The following APOL2 variants were observed in gnomAD, a reference collection of about 807,000 sequenced individuals.
The protein encoded by APOL2 is apolipoprotein L2.
A neutral mutation model predicts 7.1 loss-of-function variants in APOL2; 8 were observed. The observed-to-expected ratio is 1.12, with a 90% CI of 0.66 to 2.03. APOL2 has a LOEUF of 2.03. APOL2 is among the 30% of genes most tolerant of loss of function. The probability of loss-of-function intolerance (pLI) is 0.00; values close to 1 mark genes in which losing one functional copy is unlikely to be tolerated. For missense variants in APOL2, 471 were observed against 415.1 expected (o/e 1.13, Z -1.17); for synonymous variants, 177 against 159.9 (o/e 1.11, Z -0.81).
In APOL2 at chr22:36,236,623, A is replaced by G. The variant is rs1005713872; in HGVS notation, c.-134+2818T>C. On this transcript the variant is annotated intron_variant, in intron 1 of 4. Coordinates refer to ENST00000358502, the MANE Select transcript of APOL2 (RefSeq NM_030882.4). Reference sequence around the variant, plus strand: ...TGTGTCTCTGCGCACTCCCCGGCACACCCACTTCCAGCAGCTGGTCTTTGT... The same window carrying G: ...TGTGTCTCTGCGCACTCCCCGGCACGCCCACTTCCAGCAGCTGGTCTTTGT... 38 of 985,330 alleles carry G rather than the reference A, an allele frequency of 3.9e-5. No homozygotes were observed. The Admixed American group carries it at 2.0e-3, about 51-fold the overall frequency. 61.0% of individuals were successfully genotyped at this position (985,330 alleles called of 1,614,324 possible). A position where few individuals can be genotyped will look rare whatever the true frequency, so the allele number is the denominator to read the frequency against.
Position 36,239,504 on chromosome 22 carries a change from C to G in APOL2, c.-197G>C, listed in dbSNP as rs767197230. 2 of 1,586,006 alleles carry G rather than the reference C, an allele frequency of 1.3e-6. No homozygotes were observed. The highest frequency in any genetic ancestry group is 1.7e-6 in the Non-Finnish European group (2 of 1,172,854). On this transcript the variant is annotated 5_prime_UTR_variant, in exon 1 of 5. Transcript: ENST00000358502. ...ACTGTTCTGAGCTGTGTGGATCCCACGTCCAGCTGTGCATCTGTGTAATAA... is the reference window on the plus strand; with the variant it reads ...ACTGTTCTGAGCTGTGTGGATCCCAGGTCCAGCTGTGCATCTGTGTAATAA...
At chr22:36,234,977 A>T (rs1328318708) in intron 1 of APOL2, among the ~76,000 whole-genome samples, 1 of 152,208 alleles carries the variant, frequency 6.6e-6, no homozygotes, top group African/African-American at 2.4e-5. Context: ...AAATGAGGGC[A>T]ACAGGAGATC....
At chr22:36,231,311 C>A (rs754520884) in intron 4 of APOL2, 29 bp downstream of exon 4, 5 of 1,609,548 alleles carry the variant, frequency 3.1e-6, no homozygotes, top group Non-Finnish European at 4.3e-6. Flanking sequence ...CGCTGGGGCG[C>A]CCCATGGAGT....
rs1314798063 is a variant in APOL2 at position 36,228,279 on chromosome 22, C to T, written c.139G>A (p.Asp47Asn). ...GFVAAAELPRDEADELRKALN... is the reference protein window; with the variant it reads ...GFVAAAELPRNEADELRKALN... ...GCTTTACGGAGCTCATCTGCCTCAT[C>T]CCTGCACAAGGAAAGGTTAAAGGAT... Residue 47 changes from aspartate (D) to asparagine (N), a missense_variant and splice_region_variant, in exon 5 of 5, where the codon GAT (aspartate) becomes AAT (asparagine). Transcript: ENST00000358502. 1 of 1,611,152 alleles carries T rather than the reference C, an allele frequency of 6.2e-7. No homozygotes were observed.
chr22:36,236,956 C>G, intron 1 of APOL2: 1 of 1,353,902 alleles, frequency 7.4e-7, no homozygotes, highest in Non-Finnish European at 9.5e-7. Flanking sequence ...CTGTGACACC[C>G]TAGGCCAGGG....
intron 1 of APOL2, chr22:36,236,914 C>A: frequency 7.7e-7 from 1 of 1,303,846 alleles, no homozygotes; most frequent in Non-Finnish European, 9.7e-7. Context: ...GGGAGGGGGT[C>A]TTCCCTTCCC....
chr22:36,237,470 G>T (rs2015446357), intron 1 of APOL2: 1 of 859,966 alleles, frequency 1.2e-6, no homozygotes. Context: ...GTGCTTTGGG[G>T]CTATCACAGC....
chr22:36,238,440 A>G (rs552706976), intron 1 of APOL2, among the ~76,000 whole-genome samples: 54 of 152,072 alleles, frequency 3.6e-4, no homozygotes, highest in Non-Finnish European at 7.4e-4. Context: ...GAGGGGAAAA[A>G]TCTTAGGCTG....
intron 1 of APOL2, 142 bp downstream of exon 1, chr22:36,239,299 G>A (rs939673750): frequency 8.9e-6 from 12 of 1,354,460 alleles, no homozygotes; most frequent in Admixed American, 2.8e-5. Flanking sequence ...TGCAAATCCC[G>A]GCTCTGCCAC....
chr22:36,236,576 C>T (rs1368958709), intron 1 of APOL2: 36 of 985,366 alleles, frequency 3.7e-5, no homozygotes, highest in Middle Eastern at 5.2e-4. Context: ...GCTCCAAAAT[C>T]ACCATTGTTC....
At position 36,229,260 on chromosome 22, in the gene APOL2, G is replaced by A. The variant is rs191670246; in HGVS notation, c.138-980C>T. On this transcript the variant is annotated intron_variant, in intron 4 of 4. Coordinates refer to ENST00000358502, the MANE Select transcript of APOL2 (RefSeq NM_030882.4). ...TTTAGCAGGAACCCCCCACTCTGGC[G>A]TCTCCTGTCAGTCCTGTTCCATCTC... 2.0e-3 allele frequency among the ~76,000 whole-genome samples: 298 copies of A among 152,264 alleles called. 4 individuals carry two copies. The highest frequency in any genetic ancestry group is 6.8e-3 in the Middle Eastern group (2 of 294).
chr22:36,231,268 G>A, intron 4 of APOL2, 72 bp downstream of exon 4: 1 of 1,567,326 alleles, frequency 6.4e-7, no homozygotes, highest in Non-Finnish European at 8.7e-7. Flanking sequence ...TGCCTGTCAG[G>A]GACAACCAGC....
At chr22:36,228,357 T>C (rs1033749639) in intron 4 of APOL2, 77 bp from the exon 5 acceptor site, 2 of 1,505,848 alleles carry the variant, frequency 1.3e-6, no homozygotes, top group Middle Eastern at 2.4e-4. Flanking sequence ...ATCTCTATCC[T>C]GTGTAAATTG....
chr22:36,227,942 G>T lies in APOL2; in HGVS notation c.476C>A (p.Ala159Asp), dbSNP rs202198761. The stretch of plus-strand genomic sequence containing the variant: ...ACTGCAGGTAATCCCAGCCACAGCA[G>T]CTGCTGCTCCCAGACCCATGCCAGT... ...LDTGMGLGAA[A>D]AVAGITCSVV... The change falls in exon 5 of 5, where the codon GCT becomes GAT. Residue 159 changes from alanine (A) to aspartate (D), a missense_variant. Transcript: ENST00000358502. 5 of 1,614,212 alleles carry T rather than the reference G, an allele frequency of 3.1e-6. No homozygotes were observed. In the South Asian group the frequency reaches 5.5e-5, roughly 18 times the overall value.
chr22:36,227,733 G>A lies in APOL2; in HGVS notation c.685C>T (p.Arg229Ter), dbSNP rs775457026. 118 of 1,614,120 alleles carry A rather than the reference G, an allele frequency of 7.3e-5. No homozygotes were observed. Among genetic ancestry groups the A allele is most frequent in the Middle Eastern group, 1.6e-4 (1 of 6,084 alleles). ...CCTAACTGAGGGTTGGCTCTGGCTCGTCTGATGGCACGGATGTTCCTCCCA... is the reference window on the plus strand; with the variant it reads ...CCTAACTGAGGGTTGGCTCTGGCTCATCTGATGGCACGGATGTTCCTCCCA... ...GIGRNIRAIRRARANPQLGAY... is the reference protein window; with the variant it reads ...GIGRNIRAIR The change falls in exon 5 of 5, where the codon CGA becomes TGA. Residue 229 changes from arginine to a stop codon, truncating the protein, a stop_gained. Coordinates refer to ENST00000358502, the MANE Select transcript of APOL2 (RefSeq NM_030882.4). LOFTEE classifies it low-confidence loss of function (END_TRUNC).
Position 36,231,330 on chromosome 22 carries a change from T to C in APOL2, c.137+10A>G, listed in dbSNP as rs752913828. 17 of 1,613,628 alleles carry C rather than the reference T, an allele frequency of 1.1e-5. No homozygotes were observed. The highest frequency in any genetic ancestry group is 1.4e-5 in the Non-Finnish European group (17 of 1,179,594). The stretch of plus-strand genomic sequence containing the variant: ...GGGGCGCCCCATGGAGTTAACCCCA[T>C]GGAGCTTACCTGGGCAGTTCAGCAG... On this transcript the variant is annotated intron_variant, in intron 4 of 4. Transcript: ENST00000358502.
rs543142750 is a variant in APOL2 at position 36,239,086 on chromosome 22, T to C, written c.-134+355A>G. 1.9e-3 allele frequency: 2,169 copies of C among 1,144,464 alleles called. 3 individuals are homozygous for C. Among genetic ancestry groups the C allele is most frequent in the Non-Finnish European group, 2.2e-3 (1,993 of 924,276 alleles). The allele number at this position is 1,144,464 out of a possible 1,614,324, so 70.9% of individuals were successfully genotyped here. A position where few individuals can be genotyped will look rare whatever the true frequency, so the allele number is the denominator to read the frequency against. ...CCAGGTCACCTCCCCTCCTCCACCT[T>C]CTTTGATTCCTTCAAATTTCCCAAA... On this transcript the variant is annotated intron_variant, in intron 1 of 4. Transcript: ENST00000358502.
At chr22:36,236,124 A>G (rs1204012667) in intron 1 of APOL2, among the ~76,000 whole-genome samples, 1 of 152,260 alleles carries the variant, frequency 6.6e-6, no homozygotes. Context: ...AACATGGTGT[A>G]CAACTCAGCT....
rs2015514146 is a variant in APOL2 at position 36,239,140 on chromosome 22, C to T, written c.-134+301G>A. On this transcript the variant is annotated intron_variant, in intron 1 of 4. Coordinates refer to ENST00000358502, the MANE Select transcript of APOL2 (RefSeq NM_030882.4). ...ATGGGCACCCCCAACACCTACCTTT[C>T]TTCTGGGGTCAGCTGGCCGTGTCTG... 13 of 1,211,160 alleles carry T rather than the reference C, an allele frequency of 1.1e-5. No homozygotes were observed. The South Asian group carries it at 3.2e-4, about 30-fold the overall frequency. 75.0% of individuals were successfully genotyped at this position (1,211,160 alleles called of 1,614,324 possible). A position where few individuals can be genotyped will look rare whatever the true frequency, so the allele number is the denominator to read the frequency against.
Sources: allele counts gnomAD v4.1 joint callset (sites outside exome capture counted in the v4.1 genomes callset), GRCh38; gene constraint gnomAD v4.1.1; transcripts MANE v1.5; gene names NCBI Gene and HGNC (gene_info 2026-07-23, HGNC 2026-07-21).